CTNNA2: variants seen among roughly 807,000 people sequenced by gnomAD.
The protein encoded by CTNNA2 is catenin alpha 2.
In CTNNA2, 42 loss-of-function variants were observed where a neutral mutation model predicts 101.0. The ratio of observed to expected loss-of-function variants is 0.42; its 90% CI spans 0.32 to 0.54. The LOEUF (loss-of-function observed/expected upper bound fraction) is 0.54, where lower values mean the gene tolerates loss of function less well. Among genes scored for constraint, CTNNA2 ranks in the 20% least tolerant of loss-of-function variants. The pLI is 0.14. For synonymous variants in CTNNA2, 450 were observed against 456.4 expected (o/e 0.99, Z 0.18); for missense variants, 871 against 1,223.1 (o/e 0.71, Z 4.29).
At chr2:80,047,468 A>G (rs962264507) in intron 7 of CTNNA2, among the ~76,000 whole-genome samples, 11 of 152,164 alleles carry the variant, frequency 7.2e-5, no homozygotes, top group Admixed American at 5.2e-4. Flanking sequence ...TTCATCCCTT[A>G]TGATTCCTTA....
intron 12 of CTNNA2, chr2:80,572,621 T>C (rs973354497): frequency 6.6e-6 from 1 of 152,248 alleles, no homozygotes; most frequent in Non-Finnish European, 1.5e-5. Flanking sequence ...ATGCTCACTA[T>C]TGAGTCATTT....
intron 2 of CTNNA2, among the ~76,000 whole-genome samples, chr2:79,283,864 C>G (rs1313256067): frequency 9.4e-6 from 1 of 106,842 alleles, no homozygotes; most frequent in African/African-American, 3.4e-5. Context: ...TGGCCATTTT[C>G]ACGATATTGA....
intron 12 of CTNNA2, among the ~76,000 whole-genome samples, chr2:80,561,049 A>G (rs1693543016): frequency 6.6e-6 from 1 of 152,124 alleles, no homozygotes; most frequent in East Asian, 1.9e-4. Flanking sequence ...TTTCTGGCCT[A>G]TGCTTCCTTC....
At chr2:80,243,029 G>A (rs182350736) in intron 7 of CTNNA2, among the ~76,000 whole-genome samples, 1 of 152,352 alleles carries the variant, frequency 6.6e-6, no homozygotes. Context: ...TCAAGAGCTA[G>A]AGGGTGACTC....
At chr2:80,604,254 A>T in intron 16 of CTNNA2, 75 bp downstream of exon 16, 1 of 1,103,000 alleles carries the variant, frequency 9.1e-7, no homozygotes, top group East Asian at 2.4e-5. Flanking sequence ...AACTAGTTTT[A>T]TGCACCCTAT....
chr2:80,638,712 TCC>T (rs978796565), intron 18 of CTNNA2, among the ~76,000 whole-genome samples: 5 of 152,132 alleles, frequency 3.3e-5, no homozygotes, highest in Non-Finnish European at 4.4e-5. Flanking sequence ...TTCATGGGCG[TCC>T]CCAAGGTTTA....
intron 8 of CTNNA2, among the ~76,000 whole-genome samples, chr2:80,409,145 T>C (rs1445306156): frequency 6.6e-6 from 1 of 152,192 alleles, no homozygotes; most frequent in Non-Finnish European, 1.5e-5. Flanking sequence ...AAGGTAGTTA[T>C]GCTAGAAATG....
At chr2:79,978,534 T>C (rs949573989) in intron 7 of CTNNA2, among the ~76,000 whole-genome samples, 6 of 152,164 alleles carry the variant, frequency 3.9e-5, no homozygotes, top group African/African-American at 1.4e-4. Context: ...ATGTAAAGCG[T>C]TAGTCACCAG....
intron 7 of CTNNA2, among the ~76,000 whole-genome samples, chr2:80,057,626 A>G (rs1020734800): frequency 1.1e-4 from 17 of 152,132 alleles, no homozygotes; most frequent in African/African-American, 3.9e-4. Flanking sequence ...GAACACAAGA[A>G]TTTAAGGGGG....
chr2:79,555,725 A>G (rs1425420716), intron 1 of CTNNA2, among the ~76,000 whole-genome samples: 1 of 152,074 alleles, frequency 6.6e-6, no homozygotes, highest in Non-Finnish European at 1.5e-5. Flanking sequence ...CAATGATATA[A>G]TAATTACTCA....
At chr2:80,347,076 T>G (rs7599109) in intron 7 of CTNNA2, among the ~76,000 whole-genome samples, 42,064 of 152,126 alleles carry the variant, frequency 0.28, 6,405 homozygotes, top group East Asian at 0.51. Context: ...CTTTGCTATC[T>G]GTGGACTCAT....
chr2:79,274,260 T>C (rs2104310193), intron 2 of CTNNA2, among the ~76,000 whole-genome samples: 1 of 152,168 alleles, frequency 6.6e-6, no homozygotes, highest in Non-Finnish European at 1.5e-5. Context: ...CAGGAGAGAC[T>C]TGTGAGTGGT....
intron 4 of CTNNA2, among the ~76,000 whole-genome samples, chr2:79,487,183 T>A (rs536409120): frequency 6.6e-6 from 1 of 152,310 alleles, no homozygotes; most frequent in South Asian, 2.1e-4. Context: ...AACAGTAGAT[T>A]TGATGATGAA....
chr2:80,126,496 C>G (rs948989672), intron 7 of CTNNA2, among the ~76,000 whole-genome samples: 1 of 151,536 alleles, frequency 6.6e-6, no homozygotes, highest in African/African-American at 2.4e-5. Flanking sequence ...GATCCCTCTC[C>G]CCTAATCCCT....
At chr2:80,357,786 C>T (rs1056834202) in intron 7 of CTNNA2, among the ~76,000 whole-genome samples, 4 of 152,112 alleles carry the variant, frequency 2.6e-5, no homozygotes, top group Non-Finnish European at 4.4e-5. Flanking sequence ...ATTTGATTCA[C>T]ATAGATAATA....
intron 17 of CTNNA2, among the ~76,000 whole-genome samples, chr2:80,611,871 C>A (rs1048189307): frequency 6.6e-6 from 1 of 151,404 alleles, no homozygotes; most frequent in Non-Finnish European, 1.5e-5. Context: ...ACAGCAATAA[C>A]CCTACTTTGA....
chr2:79,547,151 TTCTCACCAGAATGAC>T (rs1673787542), intron 1 of CTNNA2: 1 of 152,176 alleles, frequency 6.6e-6, no homozygotes, highest in African/African-American at 2.4e-5. Context: ...AGTACAGGGC[TTCTCACCAGAATGAC>T]TCTTTGATGC....
chr2:80,083,046 A>C (rs1378745982), intron 7 of CTNNA2, among the ~76,000 whole-genome samples: 1 of 152,088 alleles, frequency 6.6e-6, no homozygotes, highest in Non-Finnish European at 1.5e-5. Flanking sequence ...ATCACTGAAA[A>C]AATATAAGGT....
At chr2:80,489,863 A>G (rs1027336661) in intron 9 of CTNNA2, among the ~76,000 whole-genome samples, 3 of 152,196 alleles carry the variant, frequency 2.0e-5, no homozygotes, top group Non-Finnish European at 2.9e-5. Context: ...GTGAAATAGG[A>G]TATAAAATAT....
Sources: allele counts gnomAD v4.1 joint callset (sites outside exome capture counted in the v4.1 genomes callset), GRCh38; gene constraint gnomAD v4.1.1; transcripts MANE v1.5; gene names NCBI Gene and HGNC (gene_info 2026-07-23, HGNC 2026-07-21).